NCK2: variants seen among roughly 807,000 people sequenced by gnomAD.
NCK2 encodes cytoplasmic protein NCK2.
Under a neutral mutation model 33.9 loss-of-function variants are expected in NCK2, and 16 were observed. The ratio of observed to expected loss-of-function variants is 0.47; its 90% CI spans 0.32 to 0.72. The LOEUF is 0.72. Among genes scored for constraint, NCK2 ranks in the 30% least tolerant of loss-of-function variants. NCK2 has a pLI of 0.03. For missense variants in NCK2, 418 were observed against 537.3 expected, an observed-to-expected ratio of 0.78 and a Z score of 2.19; for synonymous variants, 273 against 239.9, an observed-to-expected ratio of 1.14 and a Z score of -1.27.
intron 1 of NCK2, 73 bp downstream of exon 1, chr2:105,745,211 G>A (rs1156468260): frequency 1.3e-5 from 2 of 150,848 alleles, no homozygotes; most frequent in Admixed American, 1.3e-4. Context: ...GGAGCGCGGC[G>A]GGGCTCGCGG....
chr2:105,850,087 C>T (rs1012316273), intron 2 of NCK2, among the ~76,000 whole-genome samples: 4 of 152,246 alleles, frequency 2.6e-5, no homozygotes, highest in East Asian at 1.9e-4. Flanking sequence ...AGGCAGGTGG[C>T]GGTGTCCCAT....
At position 105,866,589 on chromosome 2, in the gene NCK2, C is replaced by T. The variant is rs142658729; in HGVS notation, c.226+11300C>T. Reference sequence around the variant, plus strand: ...GCTCACAAGCTAGATCCCTCACAGGCGTAGTTCACAATAGTGTTTGCGCTC... The same window carrying T: ...GCTCACAAGCTAGATCCCTCACAGGTGTAGTTCACAATAGTGTTTGCGCTC... On this transcript the variant is annotated intron_variant, in intron 3 of 4. Transcript: ENST00000233154. Among the ~76,000 whole-genome samples the T allele has an allele frequency of 4.3e-3, 649 of 152,286 alleles. 2 individuals are homozygous for T. The highest frequency in any genetic ancestry group is 0.014 in the African/African-American group (587 of 41,558).
intron 3 of NCK2, among the ~76,000 whole-genome samples, chr2:105,872,348 CTGAA>C (rs1678049894): frequency 6.6e-6 from 1 of 152,200 alleles, no homozygotes; most frequent in Non-Finnish European, 1.5e-5. Flanking sequence ...CTTCACATCA[CTGAA>C]TGGCTCTGAG....
At chr2:105,862,489 T>A (rs1180338096) in intron 3 of NCK2, among the ~76,000 whole-genome samples, 1 of 152,162 alleles carries the variant, frequency 6.6e-6, no homozygotes, top group Non-Finnish European at 1.5e-5. Context: ...GGACTTCAGA[T>A]CTAATCTGAA....
intron 1 of NCK2, among the ~76,000 whole-genome samples, chr2:105,800,701 G>C (rs1191906731): frequency 1.3e-5 from 2 of 152,162 alleles, no homozygotes; most frequent in African/African-American, 4.8e-5. Flanking sequence ...TTTCTGATGG[G>C]ACCAGTTGCA....
intron 3 of NCK2, among the ~76,000 whole-genome samples, chr2:105,863,204 A>C (rs1487366669): frequency 6.6e-6 from 1 of 152,160 alleles, no homozygotes; most frequent in Non-Finnish European, 1.5e-5. Flanking sequence ...GGGAAATCGG[A>C]AATTCTCATT....
rs1444575856 is a variant in NCK2 at position 105,882,001 on chromosome 2, C to G, written c.900C>G (p.Asn300Lys). The change falls in exon 4 of 5, where the codon AAC (asparagine) becomes AAG (lysine). Residue 300 changes from asparagine to lysine, a missense_variant. By Grantham distance (94) the Asn-to-Lys change is moderately conservative. Transcript: ENST00000233154. Reference protein sequence around the residue: ...VTRHQAECALNERGVEGDFLI... With the variant: ...VTRHQAECALKERGVEGDFLI... The stretch of plus-strand genomic sequence containing the variant: ...GGCACCAGGCCGAGTGCGCCCTCAA[C>G]GAGCGGGGCGTGGAGGGCGACTTCC... 3 of 1,508,798 alleles carry G rather than the reference C, an allele frequency of 2.0e-6. No homozygotes were observed. Among genetic ancestry groups the G allele is most frequent in the South Asian group, 1.3e-5 (1 of 74,562 alleles). The allele number at this position is 1,508,798 out of a possible 1,614,324, so 93.5% of individuals were successfully genotyped here. A position where few individuals can be genotyped will look rare whatever the true frequency, so the allele number is the denominator to read the frequency against.
chr2:105,830,718 T>C (rs1035808510), intron 2 of NCK2, among the ~76,000 whole-genome samples: 1 of 145,930 alleles, frequency 6.9e-6, no homozygotes, highest in African/African-American at 2.5e-5. Flanking sequence ...TGTGTGTGTT[T>C]GGTCTGATAA....
At chr2:105,765,786 GGTGTGTGTGT>G (rs56917992) in intron 1 of NCK2, among the ~76,000 whole-genome samples, 4 of 147,340 alleles carry the variant, frequency 2.7e-5, no homozygotes, top group South Asian at 2.1e-4. Flanking sequence ...TAGAATAGGG[GGTGTGTGTGT>G]GTGTGTGTGT....
intron 2 of NCK2, among the ~76,000 whole-genome samples, chr2:105,817,755 T>C (rs974986265): frequency 6.6e-6 from 1 of 152,080 alleles, no homozygotes; most frequent in East Asian, 1.9e-4. Context: ...GTTAGAATGG[T>C]GATCATTAAA....
At chr2:105,888,741 C>T (rs924487164) in intron 4 of NCK2, among the ~76,000 whole-genome samples, 4 of 152,156 alleles carry the variant, frequency 2.6e-5, no homozygotes, top group Non-Finnish European at 5.9e-5. Flanking sequence ...TTTGCTCTCT[C>T]TTGGGTCACT....
intron 3 of NCK2, among the ~76,000 whole-genome samples, chr2:105,858,687 A>C (rs1402691094): frequency 6.6e-6 from 1 of 152,082 alleles, no homozygotes; most frequent in African/African-American, 2.4e-5. Flanking sequence ...TCTTGTACTC[A>C]TTTGCTGTCC....
chr2:105,839,407 G>A (rs1358274294), intron 2 of NCK2, among the ~76,000 whole-genome samples: 1 of 152,098 alleles, frequency 6.6e-6, no homozygotes, highest in Non-Finnish European at 1.5e-5. Flanking sequence ...GAGAAGGGGT[G>A]GATCTGAGGC....
rs377594931 is a variant in NCK2, at chr2:105,829,258, A to G, written c.-17+12645A>G. Among the ~76,000 whole-genome samples, 776 of 152,288 alleles carry G rather than the reference A, an allele frequency of 5.1e-3. 6 individuals are homozygous for G. The highest frequency in any genetic ancestry group is 9.0e-3 in the Non-Finnish European group (613 of 68,020). On this transcript the variant is annotated intron_variant, in intron 2 of 4. Coordinates refer to ENST00000233154, the MANE Select transcript of NCK2 (RefSeq NM_003581.5). Reference sequence around the variant, plus strand: ...CAACTTAAAAACTAGAATATTCTCAATACTGTTCTCTACCTCCTCTTTTGC... The same window carrying G: ...CAACTTAAAAACTAGAATATTCTCAGTACTGTTCTCTACCTCCTCTTTTGC...
intron 3 of NCK2, chr2:105,856,852 ACT>A (rs1467465510): frequency 6.6e-6 from 1 of 152,184 alleles, no homozygotes; most frequent in Non-Finnish European, 1.5e-5. Flanking sequence ...TGAAAGAAAC[ACT>A]GTTTTATGCT....
intron 2 of NCK2, among the ~76,000 whole-genome samples, chr2:105,833,752 C>G (rs1262421108): frequency 6.6e-6 from 1 of 151,964 alleles, no homozygotes; most frequent in Non-Finnish European, 1.5e-5. Flanking sequence ...ACTTTTCTAG[C>G]ATCTTGATCT....
chr2:105,838,832 C>G (rs1023053434), intron 2 of NCK2, among the ~76,000 whole-genome samples: 8 of 152,150 alleles, frequency 5.3e-5, no homozygotes, highest in African/African-American at 1.9e-4. Context: ...AGGCACCCAT[C>G]TAAGTCTTGG....
chr2:105,800,690 G>A (rs542627137), intron 1 of NCK2, among the ~76,000 whole-genome samples: 20 of 152,286 alleles, frequency 1.3e-4, no homozygotes, highest in Middle Eastern at 3.4e-3. Flanking sequence ...TTGGTGCTTG[G>A]TTTCTGATGG....
intron 1 of NCK2, among the ~76,000 whole-genome samples, chr2:105,772,548 G>A (rs1277977473): frequency 1.3e-5 from 2 of 152,106 alleles, no homozygotes; most frequent in Non-Finnish European, 2.9e-5. Flanking sequence ...ACTGGGGTCA[G>A]CCGCATGTTA....
Sources: allele counts gnomAD v4.1 joint callset (sites outside exome capture counted in the v4.1 genomes callset), GRCh38; gene constraint gnomAD v4.1.1; transcripts MANE v1.5; gene names NCBI Gene and HGNC (gene_info 2026-07-23, HGNC 2026-07-21).